The following GRXCR2 variants were observed in gnomAD, a reference collection of about 807,000 sequenced individuals.
The protein encoded by GRXCR2 is glutaredoxin and cysteine rich domain containing 2.
In GRXCR2, 23 loss-of-function variants were observed where a neutral mutation model predicts 24.8. The ratio of observed to expected loss-of-function variants is 0.93; its 90% CI spans 0.67 to 1.32. The LOEUF (loss-of-function observed/expected upper bound fraction) is 1.32. Among genes scored for constraint, GRXCR2 ranks in the 40% most tolerant of loss-of-function variants. The pLI is 0.00. For synonymous variants in GRXCR2, 130 were observed against 116.1 expected, an observed-to-expected ratio of 1.12 and a Z score of -0.77; for missense variants, 315 against 303.4, an observed-to-expected ratio of 1.04 and a Z score of -0.28.
intron 2 of GRXCR2, among the ~76,000 whole-genome samples, chr5:145,886,974 A>G (rs1390192268): frequency 6.6e-6 from 1 of 152,246 alleles, no homozygotes; most frequent in Non-Finnish European, 1.5e-5. Flanking sequence ...TTCAGATTTC[A>G]TAAAATTTAT....
intron 2 of GRXCR2, among the ~76,000 whole-genome samples, chr5:145,922,598 G>T (rs1012299990): frequency 2.0e-5 from 3 of 152,180 alleles, no homozygotes; most frequent in African/African-American, 7.2e-5. Flanking sequence ...ATCAAAGAAT[G>T]AATAGTTATC....
At chr5:145,892,421 T>C (rs1263914280) in intron 2 of GRXCR2, among the ~76,000 whole-genome samples, 1 of 151,986 alleles carries the variant, frequency 6.6e-6, no homozygotes, top group Non-Finnish European at 1.5e-5. Context: ...GAATAACCAA[T>C]GCAGAGAAGT....
intron 2 of GRXCR2, among the ~76,000 whole-genome samples, chr5:145,904,236 G>A (rs4913051): frequency 0.15 from 23,181 of 151,956 alleles, 2,436 homozygotes; most frequent in African/African-American, 0.28. Context: ...GTTCACACAC[G>A]TACATCCTCA....
At chr5:145,894,227 G>C (rs1361879335) in intron 2 of GRXCR2, among the ~76,000 whole-genome samples, 1 of 152,120 alleles carries the variant, frequency 6.6e-6, no homozygotes, top group Non-Finnish European at 1.5e-5. Flanking sequence ...AAAAGAACTA[G>C]AGAAGCAAGA....
In GRXCR2 at chr5:145,859,793, G is replaced by A. The variant is rs1422949685; in HGVS notation, c.687C>T (p.Ala229=). ...LANRFKESYR[A]LRCPACNENG... is the part of the protein sequence containing the mutation. ...TCTCATTGCAGGCAGGGCACCTCAG[G>A]GCCCGATAGGACTCCTTAAATCTGT... The change falls in exon 3 of 3, where the codon GCC becomes GCT. Residue 229 remains alanine (A), a synonymous_variant. Coordinates refer to ENST00000377976, the MANE Select transcript of GRXCR2 (RefSeq NM_001080516.2). 3.1e-6 allele frequency: 5 copies of A among 1,614,184 alleles called. No individual in the cohort carries two copies. The East Asian group carries it at 1.1e-4, about 36-fold the overall frequency.
chr5:145,908,332 C>A (rs893902294), intron 2 of GRXCR2, among the ~76,000 whole-genome samples: 2 of 151,952 alleles, frequency 1.3e-5, no homozygotes, highest in African/African-American at 4.8e-5. Flanking sequence ...AGAGTCCTAC[C>A]TATGAAGCCT....
chr5:145,883,582 T>C (rs1251207668), intron 2 of GRXCR2, among the ~76,000 whole-genome samples: 1 of 152,084 alleles, frequency 6.6e-6, no homozygotes, highest in African/African-American at 2.4e-5. Flanking sequence ...TGCAAAAAAA[T>C]TCAATGGGTT....
At chr5:145,866,372 T>C (rs966153192) in intron 2 of GRXCR2, 129 bp downstream of exon 2, 2 of 625,552 alleles carry the variant, frequency 3.2e-6, no homozygotes, top group Non-Finnish European at 5.7e-6. Flanking sequence ...ATTCCTCATA[T>C]CTTCAAGTTT....
At position 145,869,667 on chromosome 5, in the gene GRXCR2, C is replaced by T. The variant is rs978113686; in HGVS notation, c.337-2939G>A. On this transcript the variant is annotated intron_variant, in intron 1 of 2. Transcript: ENST00000377976. Reference sequence around the variant, plus strand: ...CCGCCTCACGGGTTCACACCATTCTCCTGCCTCAGCCTCCCGAGTAGCTGG... The same window carrying T: ...CCGCCTCACGGGTTCACACCATTCTTCTGCCTCAGCCTCCCGAGTAGCTGG... Among the ~76,000 whole-genome samples the T allele has an allele frequency of 1.6e-4, 25 of 151,958 alleles. No individual in the cohort carries two copies. In the Middle Eastern group the frequency reaches 0.01, roughly 62 times the overall value.
At chr5:145,873,367 T>C (rs972299979), upstream of GRXCR2, among the ~76,000 whole-genome samples, 4 of 152,240 alleles carry the variant, frequency 2.6e-5, no homozygotes, top group African/African-American at 9.6e-5. Context: ...AATTAAAATC[T>C]AGTGAGCATT....
intron 2 of GRXCR2, among the ~76,000 whole-genome samples, chr5:145,904,544 T>C (rs1757065405): frequency 6.6e-6 from 1 of 152,156 alleles, no homozygotes; most frequent in Non-Finnish European, 1.5e-5. Context: ...CAGTTTTATT[T>C]GTCACACACA....
At chr5:145,865,508 T>C (rs1756414469) in intron 2 of GRXCR2, among the ~76,000 whole-genome samples, 1 of 152,064 alleles carries the variant, frequency 6.6e-6, no homozygotes, top group South Asian at 2.1e-4. Flanking sequence ...TTAACATTTT[T>C]AAAAGAATTT....
chr5:145,873,265 TGAA>T (rs1256789518), upstream of GRXCR2, among the ~76,000 whole-genome samples: 3 of 152,210 alleles, frequency 2.0e-5, no homozygotes, highest in African/African-American at 7.2e-5. Context: ...AACCTGAGGA[TGAA>T]GAAGTTTATT....
chr5:145,874,117 C>G (rs1756575714), upstream of GRXCR2, among the ~76,000 whole-genome samples: 1 of 152,172 alleles, frequency 6.6e-6, no homozygotes, highest in South Asian at 2.1e-4. Flanking sequence ...GTCTTTGCTA[C>G]CAGCATCACC....
intron 2 of GRXCR2, among the ~76,000 whole-genome samples, chr5:145,860,880 C>T (rs1244787069): frequency 1.3e-5 from 2 of 152,060 alleles, no homozygotes; most frequent in South Asian, 2.1e-4. Context: ...ATCATAGGTG[C>T]ACCTTCTCCT....
At chr5:145,882,051 T>G (rs1756710379) in intron 2 of GRXCR2, among the ~76,000 whole-genome samples, 1 of 152,170 alleles carries the variant, frequency 6.6e-6, no homozygotes, top group African/African-American at 2.4e-5. Context: ...ATGTTAGACT[T>G]AAAACCATAA....
intron 2 of GRXCR2, among the ~76,000 whole-genome samples, chr5:145,863,673 T>A (rs923939746): frequency 6.6e-5 from 10 of 152,266 alleles, no homozygotes; most frequent in Middle Eastern, 3.4e-3. Context: ...TTTTTAAAAA[T>A]TTTTTTGTAA....
chr5:145,910,454 A>G (rs1484134280), intron 2 of GRXCR2, among the ~76,000 whole-genome samples: 1 of 152,178 alleles, frequency 6.6e-6, no homozygotes, highest in East Asian at 1.9e-4. Context: ...TCATAAAAAT[A>G]ATGAGAGCAT....
chr5:145,858,316 C>CAAA (rs139918161), downstream of GRXCR2, among the ~76,000 whole-genome samples: 90 of 121,304 alleles, frequency 7.4e-4, 4 homozygotes, highest in Middle Eastern at 0.015. Flanking sequence ...CTGTCTCCCA[C>CAAA]AAAAAAAAAA....
Sources: allele counts gnomAD v4.1 joint callset (sites outside exome capture counted in the v4.1 genomes callset), GRCh38; gene constraint gnomAD v4.1.1; transcripts MANE v1.5; gene names NCBI Gene and HGNC (gene_info 2026-07-23, HGNC 2026-07-21).